The following PRKG1 variants were observed in gnomAD, a reference collection of about 807,000 sequenced individuals.
The protein encoded by PRKG1 is protein kinase cGMP-dependent 1.
Under a neutral mutation model 88.1 loss-of-function variants are expected in PRKG1, and 35 were observed. That is an observed-to-expected ratio of 0.40 (90% CI 0.30 to 0.53). PRKG1 has a LOEUF of 0.53. Ranked by LOEUF, PRKG1 falls within the 20% of genes least tolerant of loss-of-function variation. The probability of loss-of-function intolerance (pLI) is 0.59; values close to 1 mark genes in which losing one functional copy is unlikely to be tolerated. For missense variants in PRKG1, 540 were observed against 839.8 expected, an observed-to-expected ratio of 0.64 and a Z score of 4.41; for synonymous variants, 303 against 292.5, an observed-to-expected ratio of 1.04 and a Z score of -0.37.
chr10:51,914,292 C>CT (rs11394718), intron 5 of PRKG1, among the ~76,000 whole-genome samples: 149,335 of 152,096 alleles, frequency 0.98, 73,326 homozygotes, highest in East Asian at 1. Context: ...CAAATAAAAA[C>CT]TTTTTTTCAT....
At chr10:51,047,754 A>G (rs1427069709) in intron 1 of PRKG1, among the ~76,000 whole-genome samples, 2 of 152,164 alleles carry the variant, frequency 1.3e-5, no homozygotes, top group South Asian at 2.1e-4. Context: ...TGTGCTTGCC[A>G]TATTTGTTAC....
At chr10:52,244,776 ACC>A (rs72255973) in intron 9 of PRKG1, among the ~76,000 whole-genome samples, 2 of 44,576 alleles carry the variant, frequency 4.5e-5, no homozygotes, top group Admixed American at 2.7e-4. Flanking sequence ...TTAAATATAT[ACC>A]TTAATATATA....
intron 5 of PRKG1, among the ~76,000 whole-genome samples, chr10:51,995,397 TA>T (rs1220825511): frequency 1.3e-5 from 2 of 152,222 alleles, no homozygotes; most frequent in African/African-American, 4.8e-5. Context: ...ATGATCTGGA[TA>T]ATAAAGGTGA....
chr10:51,514,878 G>T (rs1841531999), intron 3 of PRKG1, among the ~76,000 whole-genome samples: 1 of 152,120 alleles, frequency 6.6e-6, no homozygotes, highest in Non-Finnish European at 1.5e-5. Flanking sequence ...ACATAAATCT[G>T]AGTTTCTCGG....
intron 14 of PRKG1, among the ~76,000 whole-genome samples, chr10:52,286,981 C>CT (rs1346715534): frequency 1.3e-5 from 2 of 151,830 alleles, no homozygotes; most frequent in Non-Finnish European, 2.9e-5. Flanking sequence ...GGATGACTTT[C>CT]TTCTAAATAA....
At chr10:51,184,812 A>G (rs1025423449) in intron 2 of PRKG1, among the ~76,000 whole-genome samples, 2 of 152,134 alleles carry the variant, frequency 1.3e-5, no homozygotes, top group African/African-American at 2.4e-5. Flanking sequence ...ACAAGAAAGG[A>G]AAGCCATTTG....
chr10:51,388,702 A>G (rs1232337705), intron 2 of PRKG1, among the ~76,000 whole-genome samples: 4 of 152,228 alleles, frequency 2.6e-5, no homozygotes, highest in Admixed American at 2.6e-4. Flanking sequence ...AACATATTTT[A>G]TAAAAACAAA....
chr10:51,173,593 G>GA (rs1837110410), intron 2 of PRKG1, among the ~76,000 whole-genome samples: 1 of 151,926 alleles, frequency 6.6e-6, no homozygotes, highest in East Asian at 1.9e-4. Context: ...AAGAAAATTA[G>GA]AAAAAACTTT....
chr10:51,536,554 C>T (rs567257731), intron 3 of PRKG1, among the ~76,000 whole-genome samples: 1 of 151,892 alleles, frequency 6.6e-6, no homozygotes, highest in Non-Finnish European at 1.5e-5. Flanking sequence ...TTCCACTTGC[C>T]AATTTTTGTT....
chr10:51,918,570 C>A (rs188097822), intron 5 of PRKG1, among the ~76,000 whole-genome samples: 2 of 152,256 alleles, frequency 1.3e-5, no homozygotes, highest in Admixed American at 1.3e-4. Flanking sequence ...AGAAAACATT[C>A]ATGGAAAGTG....
intron 3 of PRKG1, among the ~76,000 whole-genome samples, chr10:51,709,871 T>C (rs543738357): frequency 6.6e-6 from 1 of 152,230 alleles, no homozygotes; most frequent in South Asian, 2.1e-4. Flanking sequence ...AAGGAAAGTG[T>C]TTGCATCCCC....
At chr10:51,085,237 A>G (rs1181393301) in intron 1 of PRKG1, among the ~76,000 whole-genome samples, 3 of 152,190 alleles carry the variant, frequency 2.0e-5, no homozygotes, top group African/African-American at 4.8e-5. Context: ...TACGTTACCT[A>G]ATTCACTGGT....
chr10:52,111,125 A>G (rs1847553696), intron 7 of PRKG1, among the ~76,000 whole-genome samples: 1 of 152,238 alleles, frequency 6.6e-6, no homozygotes. Flanking sequence ...TTACTTAAAA[A>G]AAGGATCCAG....
intron 3 of PRKG1, among the ~76,000 whole-genome samples, chr10:51,760,560 C>T (rs1180067905): frequency 6.6e-6 from 1 of 151,882 alleles, no homozygotes; most frequent in East Asian, 2.0e-4. Context: ...CAATCTCTGC[C>T]TCCCGGGTTC....
chr10:51,168,255 A>G (rs1412263363), intron 2 of PRKG1, among the ~76,000 whole-genome samples: 2 of 152,104 alleles, frequency 1.3e-5, no homozygotes, highest in African/African-American at 4.8e-5. Context: ...AGTTTTTTAG[A>G]GGCCACATGG....
intron 5 of PRKG1, among the ~76,000 whole-genome samples, chr10:51,941,922 A>G (rs1476426188): frequency 6.6e-6 from 1 of 151,202 alleles, no homozygotes; most frequent in Non-Finnish European, 1.5e-5. Context: ...ATATGTGTGC[A>G]TGTCTTTATA....
intron 1 of PRKG1, among the ~76,000 whole-genome samples, chr10:50,992,154 G>A (rs1326852721): frequency 6.6e-6 from 1 of 152,058 alleles, no homozygotes; most frequent in East Asian, 1.9e-4. Flanking sequence ...TCAACTTAGG[G>A]ACTGAACTTG....
At chr10:52,178,805 T>C (rs1238603084) in intron 9 of PRKG1, among the ~76,000 whole-genome samples, 2 of 152,164 alleles carry the variant, frequency 1.3e-5, no homozygotes, top group Admixed American at 6.5e-5. Context: ...GATGTAACTA[T>C]AGCTACTCCT....
At chr10:51,313,488 T>G (rs141462832) in intron 2 of PRKG1, among the ~76,000 whole-genome samples, 1 of 152,284 alleles carries the variant, frequency 6.6e-6, no homozygotes, top group East Asian at 1.9e-4. Flanking sequence ...TGTCCTCATT[T>G]CTCAAAGGCA....
Sources: gnomAD v4.1 joint callset for allele counts (sites outside exome capture counted in the v4.1 genomes callset) on GRCh38, gnomAD v4.1.1 for gene constraint, MANE v1.5 for transcripts, NCBI Gene and HGNC (gene_info 2026-07-23, HGNC 2026-07-21) for gene names.